LRRIQ3: variants seen among roughly 807,000 people sequenced by gnomAD.
The protein encoded by LRRIQ3 is leucine-rich repeat and IQ domain-containing protein 3.
In LRRIQ3, 75 loss-of-function variants were observed where a neutral mutation model predicts 59.3. That is an observed-to-expected ratio of 1.26 (90% CI 1.05 to 1.53). The LOEUF (loss-of-function observed/expected upper bound fraction) is 1.53, where lower values mean the gene tolerates loss of function less well. Ranked by LOEUF, LRRIQ3 falls within the 40% of genes most tolerant of loss-of-function variation. The pLI, the probability that LRRIQ3 is intolerant of heterozygous loss-of-function variation, is 0.00. For missense variants in LRRIQ3, 831 were observed against 710.0 expected (o/e 1.17, Z -1.94); for synonymous variants, 250 against 231.3 (o/e 1.08, Z -0.73).
intron 6 of LRRIQ3, among the ~76,000 whole-genome samples, chr1:74,045,600 G>T (rs1318259204): frequency 7.9e-5 from 12 of 152,100 alleles, no homozygotes; most frequent in Admixed American, 7.9e-4. Context: ...AGTATTGGAA[G>T]TTCTGGCCAG....
intron 5 of LRRIQ3, chr1:74,083,442 T>G (rs1014080099): frequency 1.5e-5 from 2 of 137,632 alleles, no homozygotes; most frequent in African/African-American, 5.5e-5. Context: ...AAGGCAAGTG[T>G]TGTCAGAATC....
At chr1:74,048,260 A>AT (rs1654262520) in intron 6 of LRRIQ3, among the ~76,000 whole-genome samples, 2 of 152,266 alleles carry the variant, frequency 1.3e-5, no homozygotes, top group Non-Finnish European at 2.9e-5. Context: ...GAGTGCTCAG[A>AT]GACATTGATC....
chr1:74,161,232 A>C (rs1417010667), intron 3 of LRRIQ3, among the ~76,000 whole-genome samples: 1 of 151,992 alleles, frequency 6.6e-6, no homozygotes, highest in Non-Finnish European at 1.5e-5. Flanking sequence ...TTCTACCCTC[A>C]TGACCTAATC....
At chr1:74,034,138 C>T (rs1219662255) in intron 7 of LRRIQ3, among the ~76,000 whole-genome samples, 4 of 151,900 alleles carry the variant, frequency 2.6e-5, no homozygotes, top group Non-Finnish European at 5.9e-5. Flanking sequence ...ATAATGACTT[C>T]ACTAGTTATG....
intron 6 of LRRIQ3, among the ~76,000 whole-genome samples, chr1:74,055,180 TTATA>T (rs57279520): frequency 0.024 from 3,331 of 139,866 alleles, 71 homozygotes; most frequent in East Asian, 0.13. Flanking sequence ...CATATACACT[TTATA>T]TATATATATA....
At chr1:74,104,238 T>C (rs542149304) in intron 5 of LRRIQ3, among the ~76,000 whole-genome samples, 193 of 152,134 alleles carry the variant, frequency 1.3e-3, no homozygotes, top group African/African-American at 4.6e-3. Flanking sequence ...AGGTCTTGTG[T>C]AGCAACAGGA....
intron 4 of LRRIQ3, among the ~76,000 whole-genome samples, chr1:74,113,792 T>C (rs537797071): frequency 2.0e-4 from 30 of 152,188 alleles, no homozygotes; most frequent in African/African-American, 7.0e-4. Flanking sequence ...GGAAGTTCTC[T>C]TTAGGCTGAA....
chr1:74,122,051 C>G (rs1177351189), intron 4 of LRRIQ3, among the ~76,000 whole-genome samples: 2 of 152,068 alleles, frequency 1.3e-5, no homozygotes, highest in Non-Finnish European at 2.9e-5. Context: ...CATACATGTG[C>G]ATGTGTCTTT....
At chr1:74,161,287 A>G (rs939039124) in intron 3 of LRRIQ3, among the ~76,000 whole-genome samples, 3 of 152,044 alleles carry the variant, frequency 2.0e-5, no homozygotes, top group African/African-American at 7.2e-5. Flanking sequence ...ATTGGAGATT[A>G]GATTTTAGCA....
At position 74,182,530 on chromosome 1, in the gene LRRIQ3, C is replaced by A; in HGVS notation, c.573+8G>T. On this transcript the variant is annotated splice_region_variant and intron_variant, in intron 3 of 7. Transcript: ENST00000354431. Reference sequence around the variant, plus strand: ...TAATTAAAATGAAACCCTAAAGAAGCCAATTACCTTTCTCAAAGCTGGGCA... The same window carrying A: ...TAATTAAAATGAAACCCTAAAGAAGACAATTACCTTTCTCAAAGCTGGGCA... 2.0e-6 allele frequency: 3 copies of A among 1,502,398 alleles called. No individual in the cohort carries two copies. The highest frequency in any genetic ancestry group is 2.7e-6 in the Non-Finnish European group (3 of 1,127,540). 93.1% of individuals were successfully genotyped at this position (1,502,398 alleles called of 1,614,324 possible). A position where few individuals can be genotyped will look rare whatever the true frequency, so the allele number is the denominator to read the frequency against.
intron 4 of LRRIQ3, among the ~76,000 whole-genome samples, chr1:74,130,086 C>A (rs1308099594): frequency 1.3e-5 from 2 of 151,958 alleles, no homozygotes; most frequent in African/African-American, 4.8e-5. Context: ...GCAAACCCTC[C>A]CTTGGCTGCT....
chr1:74,118,946 T>C (rs1646814131), intron 4 of LRRIQ3, among the ~76,000 whole-genome samples: 1 of 152,082 alleles, frequency 6.6e-6, no homozygotes, highest in South Asian at 2.1e-4. Context: ...TCACCCACAT[T>C]ATGGAGGGTA....
At chr1:74,056,525 G>A (rs944368948) in intron 6 of LRRIQ3, among the ~76,000 whole-genome samples, 1 of 152,056 alleles carries the variant, frequency 6.6e-6, no homozygotes, top group South Asian at 2.1e-4. Context: ...TAAAGTTGCA[G>A]ACACAAAATC....
chr1:74,072,792 C>T (rs894957933), intron 6 of LRRIQ3, among the ~76,000 whole-genome samples: 1 of 152,022 alleles, frequency 6.6e-6, no homozygotes, highest in African/African-American at 2.4e-5. Context: ...CCTTAGAAGG[C>T]AGGAGTAATA....
chr1:74,092,967 G>A (rs1451783178), intron 5 of LRRIQ3, among the ~76,000 whole-genome samples: 2 of 152,048 alleles, frequency 1.3e-5, no homozygotes, highest in African/African-American at 4.8e-5. Flanking sequence ...ATTTGGAAGA[G>A]AGGAAAATGA....
chr1:74,186,235 A>ATAGT (rs1383455102), intron 1 of LRRIQ3, among the ~76,000 whole-genome samples: 1 of 151,990 alleles, frequency 6.6e-6, no homozygotes, highest in African/African-American at 2.4e-5. Context: ...TTAATCAAAT[A>ATAGT]TAGTTAGTAA....
At chr1:74,142,008 T>C (rs959536488) in intron 4 of LRRIQ3, among the ~76,000 whole-genome samples, 8 of 146,534 alleles carry the variant, frequency 5.5e-5, no homozygotes, top group Admixed American at 2.1e-4. Flanking sequence ...CACACACACA[T>C]ATTACACAAA....
intron 7 of LRRIQ3, among the ~76,000 whole-genome samples, chr1:74,028,626 G>A (rs756754902): frequency 5.3e-5 from 8 of 151,934 alleles, no homozygotes; most frequent in Non-Finnish European, 1.2e-4. Flanking sequence ...ATAGTTAAGA[G>A]TACAGGTAGT....
chr1:74,053,830 C>T lies in LRRIQ3; in HGVS notation c.998-11897G>A, dbSNP rs529252909. 4.3e-4 allele frequency among the ~76,000 whole-genome samples: 65 copies of T among 152,198 alleles called. 1 individual carries two copies. In the South Asian group the frequency reaches 0.013, roughly 31 times the overall value. ...AACTTCATAAGATAACACTACACAC[C>T]TACTAGAATGGCCAAAATTCAAAAC... On this transcript the variant is annotated intron_variant, in intron 6 of 7. Coordinates refer to ENST00000354431, the MANE Select transcript of LRRIQ3 (RefSeq NM_001105659.2).
Sources: allele counts gnomAD v4.1 joint callset (sites outside exome capture counted in the v4.1 genomes callset), GRCh38; gene constraint gnomAD v4.1.1; transcripts MANE v1.5; gene names NCBI Gene and HGNC (gene_info 2026-07-23, HGNC 2026-07-21).